NUBPL: variants seen among roughly 807,000 people sequenced by gnomAD.
NUBPL encodes NUBP iron-sulfur cluster assembly factor, mitochondrial, also known as iron-sulfur cluster transfer protein NUBPL.
Under a neutral mutation model 45.7 loss-of-function variants are expected in NUBPL, and 31 were observed. The observed-to-expected ratio is 0.68, with a 90% confidence interval of 0.51 to 0.92. The LOEUF (loss-of-function observed/expected upper bound fraction) is 0.92, where lower values mean the gene tolerates loss of function less well. NUBPL is among the 40% of genes least tolerant of loss of function. The pLI is 0.00. For missense variants in NUBPL, 401 were observed against 398.7 expected, an observed-to-expected ratio of 1.01 and a Z score of -0.05; for synonymous variants, 144 against 140.9, an observed-to-expected ratio of 1.02 and a Z score of -0.15.
chr14:31,802,313 G>C (rs1056084414), intron 7 of NUBPL, among the ~76,000 whole-genome samples: 6 of 150,328 alleles, frequency 4.0e-5, no homozygotes, highest in Non-Finnish European at 7.4e-5. Context: ...GTCTTGCTCT[G>C]TCACCAGGCT....
intron 4 of NUBPL, among the ~76,000 whole-genome samples, chr14:31,665,061 G>C (rs1230704008): frequency 6.6e-6 from 1 of 152,154 alleles, no homozygotes; most frequent in Non-Finnish European, 1.5e-5. Flanking sequence ...TGTGGGTTCA[G>C]TGGTGATATC....
chr14:31,587,659 A>G (rs1165105348), intron 3 of NUBPL, among the ~76,000 whole-genome samples: 2 of 152,176 alleles, frequency 1.3e-5, no homozygotes, highest in African/African-American at 2.4e-5. Flanking sequence ...ATTTTTGGCT[A>G]TGTCTGTACT....
At chr14:31,768,666 T>A (rs1566551708) in intron 6 of NUBPL, among the ~76,000 whole-genome samples, 1 of 152,182 alleles carries the variant, frequency 6.6e-6, no homozygotes. Flanking sequence ...AGACAGAGAC[T>A]GAAACCCTCA....
intron 4 of NUBPL, among the ~76,000 whole-genome samples, chr14:31,638,776 C>G (rs142763626): frequency 3.6e-4 from 55 of 152,260 alleles, no homozygotes; most frequent in African/African-American, 1.3e-3. Flanking sequence ...CTCTTGAAGG[C>G]TTTGTTCGTT....
chr14:31,570,669 T>C (rs2033557682), intron 3 of NUBPL, among the ~76,000 whole-genome samples: 1 of 152,216 alleles, frequency 6.6e-6, no homozygotes, highest in Non-Finnish European at 1.5e-5. Flanking sequence ...TCCAGTATGT[T>C]CCCATTGTTC....
rs150844724 is a variant in NUBPL at position 31,674,402 on chromosome 14, A to G, written c.513+828A>G. Among the ~76,000 whole-genome samples, 193 of 152,232 alleles carry G rather than the reference A, an allele frequency of 1.3e-3. 3 individuals carry two copies. The highest frequency in any genetic ancestry group is 3.4e-3 in the Middle Eastern group (1 of 294). ...CTCTGAAACTCTTCTTTTTTTCACT[A>G]TAACATCTTGCCTTTCTACCACTTT... On this transcript the variant is annotated intron_variant, in intron 6 of 10. Coordinates refer to ENST00000281081, the MANE Select transcript of NUBPL (RefSeq NM_025152.3).
chr14:31,852,682 TAAA>T (rs1206653523), intron 10 of NUBPL, among the ~76,000 whole-genome samples: 3 of 151,852 alleles, frequency 2.0e-5, no homozygotes, highest in Admixed American at 6.6e-5. Flanking sequence ...AAAATAAAAA[TAAA>T]AAAATCAGGG....
chr14:31,737,941 G>A (rs554122490), intron 6 of NUBPL, among the ~76,000 whole-genome samples: 10 of 152,096 alleles, frequency 6.6e-5, no homozygotes, highest in African/African-American at 2.4e-4. Context: ...CTTTGGAAAT[G>A]GTTTTCATTT....
chr14:31,733,966 T>C (rs1168861486), intron 6 of NUBPL, among the ~76,000 whole-genome samples: 1 of 152,206 alleles, frequency 6.6e-6, no homozygotes, highest in African/African-American at 2.4e-5. Context: ...TGAGAGTTGT[T>C]ATTATTAATG....
At chr14:31,804,229 A>T (rs1313453256) in intron 7 of NUBPL, among the ~76,000 whole-genome samples, 1 of 152,226 alleles carries the variant, frequency 6.6e-6, no homozygotes, top group Non-Finnish European at 1.5e-5. Context: ...ACAAGGCAAA[A>T]TGGTACTGTC....
rs1249816789 is a variant in NUBPL, at chr14:31,861,030, T to G, written c.*1850T>G. ...GCGTGGCTGTGAGAAACATGAGGGA[T>G]CCTTGTGATGATGGAAATGTTCTAT... is the stretch of plus-strand genomic sequence containing the variant. On this transcript the variant is annotated 3_prime_UTR_variant, in exon 11 of 11. Transcript: ENST00000281081. 6.6e-6 allele frequency: 1 copy of G among 151,992 alleles called. No individual in the cohort carries two copies. Among genetic ancestry groups the G allele is most frequent in the Non-Finnish European group, 1.5e-5 (1 of 67,988 alleles). 9.4% of individuals were successfully genotyped at this position (151,992 alleles called of 1,614,324 possible).
At chr14:31,727,315 A>C (rs1461936543) in intron 6 of NUBPL, among the ~76,000 whole-genome samples, 1 of 152,214 alleles carries the variant, frequency 6.6e-6, no homozygotes, top group Non-Finnish European at 1.5e-5. Context: ...CTCAGTAATG[A>C]AGGCTTACCA....
At chr14:31,819,534 C>T (rs143480495) in intron 7 of NUBPL, among the ~76,000 whole-genome samples, 60 of 152,242 alleles carry the variant, frequency 3.9e-4, no homozygotes, top group African/African-American at 1.4e-3. Context: ...TGAGTTGTTC[C>T]ACACTGGTAT....
chr14:31,750,571 A>T (rs560657515), intron 6 of NUBPL, among the ~76,000 whole-genome samples: 119 of 152,112 alleles, frequency 7.8e-4, no homozygotes, highest in Admixed American at 3.4e-3. Flanking sequence ...TGGGATAATT[A>T]TCATGTTCTT....
intron 7 of NUBPL, among the ~76,000 whole-genome samples, chr14:31,807,450 C>A (rs998167597): frequency 6.6e-6 from 1 of 152,136 alleles, no homozygotes; most frequent in African/African-American, 2.4e-5. Context: ...ATATCCTTTG[C>A]CCACTTTTTG....
At chr14:31,660,805 G>C (rs748320051) in intron 4 of NUBPL, among the ~76,000 whole-genome samples, 1 of 152,058 alleles carries the variant, frequency 6.6e-6, no homozygotes, top group Non-Finnish European at 1.5e-5. Flanking sequence ...AAGTACAAAG[G>C]TTTCTAAGGC....
chr14:31,666,305 C>A lies in NUBPL; in HGVS notation c.383-7050C>A, dbSNP rs563364266. Among the ~76,000 whole-genome samples the A allele has an allele frequency of 2.1e-3, 294 of 142,748 alleles. 1 individual carries two copies. Among genetic ancestry groups the A allele is most frequent in the African/African-American group, 6.8e-3 (271 of 39,584 alleles). The allele number at this position is 142,748 out of a possible 152,430, so 93.6% of individuals were successfully genotyped here. On this transcript the variant is annotated intron_variant, in intron 4 of 10. Coordinates refer to ENST00000281081, the MANE Select transcript of NUBPL (RefSeq NM_025152.3). Reference sequence around the variant, plus strand: ...TTTGAGACGGAATCTCCCTTTGTCTCCCAGGCTGGAGTGCAGTGGTGCAAT... The same window carrying A: ...TTTGAGACGGAATCTCCCTTTGTCTACCAGGCTGGAGTGCAGTGGTGCAAT...
At chr14:31,756,914 T>C (rs1370915357) in intron 6 of NUBPL, among the ~76,000 whole-genome samples, 1 of 146,210 alleles carries the variant, frequency 6.8e-6, no homozygotes, top group Non-Finnish European at 1.5e-5. Flanking sequence ...GCATGAAGGG[T>C]TGTTGAATTT....
At chr14:31,814,995 G>A (rs899455732) in intron 7 of NUBPL, among the ~76,000 whole-genome samples, 7 of 152,066 alleles carry the variant, frequency 4.6e-5, no homozygotes, top group Admixed American at 6.5e-5. Flanking sequence ...TGTTCTTTTC[G>A]CTTAGGATTG....
Sources: gnomAD v4.1 joint callset for allele counts (sites outside exome capture counted in the v4.1 genomes callset) on GRCh38, gnomAD v4.1.1 for gene constraint, MANE v1.5 for transcripts, NCBI Gene and HGNC (gene_info 2026-07-23, HGNC 2026-07-21) for gene names.